The following JPH3 variants were observed in gnomAD, a reference collection of about 807,000 sequenced individuals.
JPH3 encodes the protein junctophilin-3.
In JPH3, 11 loss-of-function variants were observed where a neutral mutation model predicts 59.6. That is an observed-to-expected ratio of 0.18 (90% CI 0.12 to 0.31). The LOEUF is 0.31. Ranked by LOEUF, JPH3 falls within the 10% of genes least tolerant of loss-of-function variation. JPH3 has a pLI of 1.00. For missense variants in JPH3, 1,202 were observed against 1,105.7 expected, an observed-to-expected ratio of 1.09 and a Z score of -1.24; for synonymous variants, 673 against 483.6, an observed-to-expected ratio of 1.39 and a Z score of -5.14.
chr16:87,690,831 C>T (rs2033550895), intron 4 of JPH3, among the ~76,000 whole-genome samples: 1 of 152,260 alleles, frequency 6.6e-6, no homozygotes. Context: ...CGTGCTCAAC[C>T]CCAGCTGCTC....
rs748340460 is a variant in JPH3 at position 87,644,762 on chromosome 16, A to C, written c.887A>C (p.Lys296Thr). Residue 296 changes from lysine to threonine, a missense_variant, in exon 2 of 5, where the codon AAA becomes ACA. Lys to Thr is a moderately conservative substitution (Grantham distance 78, BLOSUM62 -1). Transcript: ENST00000284262. ...TACGTGGGCGAGTGGAAGAACGACA[A>C]ACGCTCCGGCTTCGGCGTGAGCCAG... ...ETYVGEWKNDKRSGFGVSQRS... is the reference protein window; with the variant it reads ...ETYVGEWKNDTRSGFGVSQRS... The C allele has an allele frequency of 6.2e-7, 1 of 1,612,912 alleles. No individual in the cohort carries two copies. Among genetic ancestry groups the C allele is most frequent in the Non-Finnish European group, 8.5e-7 (1 of 1,179,862 alleles).
intron 1 of JPH3, among the ~76,000 whole-genome samples, chr16:87,629,735 T>A (rs910256957): frequency 1.3e-5 from 2 of 152,154 alleles, no homozygotes; most frequent in Non-Finnish European, 2.9e-5. Context: ...AGGGCAGTCA[T>A]ACTACTCTGA....
At chr16:87,667,201 C>G (rs7203010) in intron 2 of JPH3, among the ~76,000 whole-genome samples, 3 of 151,988 alleles carry the variant, frequency 2.0e-5, no homozygotes, top group South Asian at 2.1e-4. Flanking sequence ...CCCTCTGCCC[C>G]GTCCTGAGCA....
At chr16:87,671,807 C>T (rs2033022898) in intron 2 of JPH3, among the ~76,000 whole-genome samples, 1 of 152,190 alleles carries the variant, frequency 6.6e-6, no homozygotes, top group African/African-American at 2.4e-5. Flanking sequence ...ACTCCAGGCA[C>T]AGGGGACACA....
intron 2 of JPH3, among the ~76,000 whole-genome samples, chr16:87,677,197 C>T (rs1438464781): frequency 5.1e-5 from 6 of 117,844 alleles, no homozygotes; most frequent in Admixed American, 9.0e-5. Flanking sequence ...CACACACACA[C>T]ACACACACAC....
chr16:87,670,846 A>G (rs2032996109), intron 2 of JPH3, among the ~76,000 whole-genome samples: 1 of 149,988 alleles, frequency 6.7e-6, no homozygotes, highest in Non-Finnish European at 1.5e-5. Flanking sequence ...GGGCTCTGGC[A>G]GCTTGTATGG....
intron 1 of JPH3, 55 bp downstream of exon 1, chr16:87,603,583 G>T: frequency 6.6e-7 from 1 of 1,516,242 alleles, no homozygotes; most frequent in East Asian, 2.5e-5. Flanking sequence ...TTCCGATCGC[G>T]CCCCTTCTGT....
At chr16:87,628,046 T>C (rs1334948252) in intron 1 of JPH3, among the ~76,000 whole-genome samples, 5 of 152,216 alleles carry the variant, frequency 3.3e-5, no homozygotes, top group Admixed American at 2.6e-4. Context: ...GACACCCTTA[T>C]GTGCTGTGTC....
At chr16:87,658,541 T>TTC (rs200604721) in intron 2 of JPH3, among the ~76,000 whole-genome samples, 1 of 151,878 alleles carries the variant, frequency 6.6e-6, no homozygotes, top group Admixed American at 6.6e-5. Context: ...TTGTTCCCCC[T>TTC]TCTCTCTCTC....
At chr16:87,634,222 G>C (rs2031658464) in intron 1 of JPH3, among the ~76,000 whole-genome samples, 1 of 152,170 alleles carries the variant, frequency 6.6e-6, no homozygotes, top group African/African-American at 2.4e-5. Flanking sequence ...CCAGGGTCTG[G>C]TCCCTGATCT....
At chr16:87,657,803 C>G (rs1367040910) in intron 2 of JPH3, among the ~76,000 whole-genome samples, 1 of 152,078 alleles carries the variant, frequency 6.6e-6, no homozygotes, top group Non-Finnish European at 1.5e-5. Flanking sequence ...TTCTGTTGGC[C>G]AAAACTCGGT....
chr16:87,651,403 A>G (rs1380494647), intron 2 of JPH3, among the ~76,000 whole-genome samples: 1 of 152,268 alleles, frequency 6.6e-6, no homozygotes, highest in African/African-American at 2.4e-5. Flanking sequence ...TAAGGCTGCC[A>G]TAGATAGTGA....
rs537744914 is a variant in JPH3, at chr16:87,636,149, G to C, written c.383-8109G>C. 2.2e-4 allele frequency among the ~76,000 whole-genome samples: 34 copies of C among 152,326 alleles called. No individual in the cohort carries two copies. In the South Asian group the frequency reaches 6.8e-3, roughly 31 times the overall value. ...TGCAGGTGACCAGTTAGGTTCGATG[G>C]GACAGGCTTTGGGAATCAGCGGCTT... On this transcript the variant is annotated intron_variant, in intron 1 of 4. Coordinates refer to ENST00000284262, the MANE Select transcript of JPH3 (RefSeq NM_020655.4).
At chr16:87,655,658 T>C (rs549545084) in intron 2 of JPH3, among the ~76,000 whole-genome samples, 2 of 152,326 alleles carry the variant, frequency 1.3e-5, no homozygotes, top group African/African-American at 2.4e-5. Flanking sequence ...TGGCCAATAA[T>C]GTTCTATTTT....
intron 2 of JPH3, among the ~76,000 whole-genome samples, chr16:87,681,928 A>G (rs1251103740): frequency 6.6e-6 from 1 of 152,042 alleles, no homozygotes; most frequent in Admixed American, 6.5e-5. Context: ...GCGCATCTTT[A>G]GTTTTGGGGC....
At chr16:87,640,605 G>A (rs35560143) in intron 1 of JPH3, among the ~76,000 whole-genome samples, 2 of 151,812 alleles carry the variant, frequency 1.3e-5, no homozygotes, top group African/African-American at 2.4e-5. Context: ...GTTGGCCAGC[G>A]TGGTCTCTAA....
intron 2 of JPH3, among the ~76,000 whole-genome samples, chr16:87,662,156 C>G (rs1451661840): frequency 6.6e-6 from 1 of 152,204 alleles, no homozygotes; most frequent in East Asian, 1.9e-4. Context: ...GCCCTGGGCA[C>G]AGGGACATCC....
At chr16:87,626,463 T>A (rs1284257586) in intron 1 of JPH3, among the ~76,000 whole-genome samples, 2 of 152,230 alleles carry the variant, frequency 1.3e-5, no homozygotes, top group Non-Finnish European at 2.9e-5. Context: ...GACCGAGGCC[T>A]GTGAGGTTTC....
intron 1 of JPH3, among the ~76,000 whole-genome samples, chr16:87,631,151 C>T (rs1251079580): frequency 1.3e-5 from 2 of 152,120 alleles, no homozygotes; most frequent in East Asian, 1.9e-4. Context: ...TGTACAAATA[C>T]GTTTGTTTAT....
Sources: gnomAD v4.1 joint callset for allele counts (sites outside exome capture counted in the v4.1 genomes callset) on GRCh38, gnomAD v4.1.1 for gene constraint, MANE v1.5 for transcripts, NCBI Gene and HGNC (gene_info 2026-07-23, HGNC 2026-07-21) for gene names.